NRAP: variants seen among roughly 807,000 people sequenced by gnomAD.
The protein encoded by NRAP is nebulin-related-anchoring protein.
Under a neutral mutation model 225.9 loss-of-function variants are expected in NRAP, and 189 were observed. That is an observed-to-expected ratio of 0.84 (90% CI 0.74 to 0.94). The LOEUF is 0.94. NRAP is among the 40% of genes least tolerant of loss of function. The pLI, the probability that NRAP is intolerant of heterozygous loss-of-function variation, is 0.00. For missense variants in NRAP, 2,176 were observed against 2,168.7 expected, an observed-to-expected ratio of 1.00 and a Z score of -0.07; for synonymous variants, 769 against 790.7, an observed-to-expected ratio of 0.97 and a Z score of 0.46.
intron 4 of NRAP, among the ~76,000 whole-genome samples, chr10:113,655,234 G>C (rs145369221): frequency 6.6e-6 from 1 of 152,122 alleles, no homozygotes; most frequent in African/African-American, 2.4e-5. Flanking sequence ...AGTATAAAAT[G>C]TACAGCTATT....
chr10:113,622,696 C>G, intron 23 of NRAP, among the ~76,000 whole-genome samples: 1 of 152,202 alleles, frequency 6.6e-6, no homozygotes, highest in East Asian at 1.9e-4. Flanking sequence ...GATTCCGGTT[C>G]TACTCTCAGC....
At chr10:113,629,332 A>G (rs898228942) in intron 19 of NRAP, among the ~76,000 whole-genome samples, 6 of 152,234 alleles carry the variant, frequency 3.9e-5, no homozygotes, top group South Asian at 4.1e-4. Flanking sequence ...ACCATTTTAA[A>G]CATTTTCTTC....
chr10:113,662,589 G>A, intron 3 of NRAP, 90 bp downstream of exon 3: 1 of 810,468 alleles, frequency 1.2e-6, no homozygotes, highest in Non-Finnish European at 2.1e-6. Flanking sequence ...TGCCTGGCTA[G>A]AATATATTCC....
At chr10:113,612,739 T>G (rs1847410003) in intron 29 of NRAP, among the ~76,000 whole-genome samples, 1 of 152,178 alleles carries the variant, frequency 6.6e-6, no homozygotes, top group Admixed American at 6.5e-5. Context: ...GCTCAAATCT[T>G]TAGATCTTTC....
chr10:113,598,377 C>T (rs1846410109), intron 35 of NRAP, among the ~76,000 whole-genome samples: 1 of 151,012 alleles, frequency 6.6e-6, no homozygotes. Flanking sequence ...GAGATATATG[C>T]TCATATCTAA....
At chr10:113,597,673 G>T (rs937269611) in intron 36 of NRAP, among the ~76,000 whole-genome samples, 1 of 152,162 alleles carries the variant, frequency 6.6e-6, no homozygotes, top group Non-Finnish European at 1.5e-5. Flanking sequence ...CAGTAGATGG[G>T]TGGCAAATTC....
At chr10:113,655,040 G>A (rs962422595) in intron 4 of NRAP, among the ~76,000 whole-genome samples, 24 of 152,184 alleles carry the variant, frequency 1.6e-4, no homozygotes, top group African/African-American at 4.6e-4. Context: ...GGACAGGTTG[G>A]ATAGAGCCAG....
intron 32 of NRAP, among the ~76,000 whole-genome samples, chr10:113,608,178 C>A (rs908666429): frequency 6.6e-6 from 1 of 152,176 alleles, no homozygotes; most frequent in Non-Finnish European, 1.5e-5. Flanking sequence ...CCAGGCAATG[C>A]TAATGTAGCT....
chr10:113,600,690 C>T (rs1352168870), intron 35 of NRAP, among the ~76,000 whole-genome samples: 2 of 152,192 alleles, frequency 1.3e-5, no homozygotes, highest in Non-Finnish European at 2.9e-5. Context: ...AGAAGCCTCA[C>T]TGTGCCTTGT....
chr10:113,592,429 G>A, intron 38 of NRAP, 128 bp from the exon 39 acceptor site: 1 of 538,258 alleles, frequency 1.9e-6, no homozygotes, highest in Non-Finnish European at 3.3e-6. Flanking sequence ...ATAGCTCCAT[G>A]TCCACCTTGG....
chr10:113,601,045 G>A (rs1164077697), intron 35 of NRAP, among the ~76,000 whole-genome samples: 1 of 152,186 alleles, frequency 6.6e-6, no homozygotes. Context: ...CCAGCAGCCT[G>A]GTCTGAGACC....
intron 18 of NRAP, 125 bp downstream of exon 18, chr10:113,631,384 G>A (rs1332487422): frequency 1.6e-6 from 1 of 626,644 alleles, no homozygotes; most frequent in Non-Finnish European, 2.8e-6. Context: ...ATGCAAGCCA[G>A]GAAAGAAAGG....
rs1265785445 is a variant in NRAP at position 113,609,296 on chromosome 10, G to T, written c.3604-784C>A. Among the ~76,000 whole-genome samples, 4 of 152,326 alleles carry T rather than the reference G, an allele frequency of 2.6e-5. No individual in the cohort carries two copies. In the East Asian group the frequency reaches 7.7e-4, roughly 29 times the overall value. The stretch of plus-strand genomic sequence containing the variant: ...TCTGCATTTCTTAAGGTTTTTTAAG[G>T]TTCTGATGCACCATGAGGTACAGAG... On this transcript the variant is annotated intron_variant, in intron 31 of 41. Coordinates refer to ENST00000359988, the MANE Select transcript of NRAP (RefSeq NM_198060.4).
At chr10:113,620,814 A>C (rs1847944188) in intron 24 of NRAP, 106 bp from the exon 25 acceptor site, 7 of 757,176 alleles carry the variant, frequency 9.2e-6, no homozygotes, top group Non-Finnish European at 1.6e-5. Flanking sequence ...AGCTGAGTCA[A>C]ATTAGATGCC....
chr10:113,641,299 A>G, intron 13 of NRAP, 66 bp downstream of exon 13: 2 of 935,356 alleles, frequency 2.1e-6, no homozygotes, highest in Non-Finnish European at 3.4e-6. Flanking sequence ...ATTTAAAAAG[A>G]ATTGGCTGAA....
intron 34 of NRAP, among the ~76,000 whole-genome samples, chr10:113,605,272 T>C (rs915185538): frequency 6.6e-6 from 1 of 152,216 alleles, no homozygotes; most frequent in African/African-American, 2.4e-5. Context: ...GAAGTCCACA[T>C]TTTTCTGTGA....
In NRAP at chr10:113,629,036, C is replaced by T. The variant is rs762209939; in HGVS notation, c.2041-15G>A. On this transcript the variant is annotated splice_polypyrimidine_tract_variant and intron_variant, in intron 19 of 41. Coordinates refer to ENST00000359988, the MANE Select transcript of NRAP (RefSeq NM_198060.4). The stretch of plus-strand genomic sequence containing the variant: ...TTGTACTGCAGCTACAAAAGAAAAA[C>T]CACAAAGCTCTCATTGGGCGCATGG... 2.5e-6 allele frequency: 4 copies of T among 1,577,054 alleles called. No individual in the cohort carries two copies. Among genetic ancestry groups the T allele is most frequent in the Admixed American group, 3.3e-5 (2 of 59,984 alleles).
Position 113,629,644 on chromosome 10 carries a change from GCA to G in NRAP, c.1982_1983del (p.Val661AlafsTer3). ...CACTGAGTCTTCATATCTTCAGGCA[GCA>G]CAGTGTATTCATGCAGTTTCTTCCT... ...DYRKKLHEYT[V>X]LPEDMKTQWA... On this transcript the variant is annotated frameshift_variant, in exon 19 of 42. Transcript: ENST00000359988. LOFTEE classifies it high-confidence loss of function. The G allele has an allele frequency of 6.2e-7, 1 of 1,614,034 alleles. No homozygotes were observed. The highest frequency in any genetic ancestry group is 8.5e-7 in the Non-Finnish European group (1 of 1,179,876).
chr10:113,592,213 G>C lies in NRAP; in HGVS notation c.4625C>G (p.Ser1542Cys), dbSNP rs755653818. The C allele has an allele frequency of 1.9e-5, 31 of 1,609,636 alleles. No homozygotes were observed. Among genetic ancestry groups the C allele is most frequent in the African/African-American group, 2.7e-5 (2 of 74,816 alleles). ...DAIPFQTARASREIASDFRYK... is the reference protein window; with the variant it reads ...DAIPFQTARACREIASDFRYK... ...TCTTACATCACTGGCGATCTCCCTA[G>C]ATGCCCGGGCAGTCTGGAAGGGGAT... The change falls in exon 39 of 42, where the codon TCT (serine) becomes TGT (cysteine). Residue 1542 changes from serine to cysteine, a missense_variant. By Grantham distance (112) the Ser-to-Cys change is moderately radical. Around this residue, in one of 3 missense-constraint regions of NRAP, gnomAD observed 445 missense variants for 426.1 expected, o/e 1.04. Transcript: ENST00000359988.
Sources: gnomAD v4.1 joint callset for allele counts (sites outside exome capture counted in the v4.1 genomes callset) on GRCh38, gnomAD v4.1.1 for gene constraint, gnomAD v4.1.1 regional missense constraint, MANE v1.5 for transcripts, NCBI Gene and HGNC (gene_info 2026-07-23, HGNC 2026-07-21) for gene names.